The following MNDA variants were observed in gnomAD, a reference collection of about 807,000 sequenced individuals.
MNDA encodes the protein epididymis secretory sperm binding protein.
MNDA carries 43 observed loss-of-function variants against 37.8 expected under a neutral mutation model. The ratio of observed to expected loss-of-function variants is 1.14; its 90% CI spans 0.89 to 1.47. The LOEUF is 1.47. MNDA is among the 40% of genes most tolerant of loss of function. The pLI is 0.00. For missense variants in MNDA, 536 were observed against 476.0 expected (o/e 1.13, Z -1.17); for synonymous variants, 181 against 169.0 (o/e 1.07, Z -0.55).
chr1:158,843,056 G>A (rs959843363), intron 2 of MNDA, among the ~76,000 whole-genome samples: 1 of 152,160 alleles, frequency 6.6e-6, no homozygotes, highest in African/African-American at 2.4e-5. Flanking sequence ...CACTGCAAAG[G>A]GGAGGAGTGA....
rs1384181387 is a variant in MNDA, at chr1:158,843,266, T to C, written c.266-13T>C. On this transcript the variant is annotated splice_polypyrimidine_tract_variant and intron_variant, in intron 2 of 6. Coordinates refer to ENST00000368141, the MANE Select transcript of MNDA (RefSeq NM_002432.3). ...TCTAGGCCTATTGTGCCCTTTTTCT[T>C]TTCTTTTGTCAGTTGCTAAGAAAAT... The C allele has an allele frequency of 1.2e-6, 2 of 1,602,308 alleles. No homozygotes were observed.
intron 1 of MNDA, among the ~76,000 whole-genome samples, chr1:158,839,419 A>G (rs1362562161): frequency 6.6e-6 from 1 of 152,132 alleles, no homozygotes; most frequent in East Asian, 1.9e-4. Flanking sequence ...TCCTCTATCC[A>G]TAATCTCTTG....
Position 158,844,057 on chromosome 1 carries a change from G to C in MNDA, c.505G>C (p.Ala169Pro). Residue 169 changes from alanine (A) to proline (P), a missense_variant, in exon 4 of 7, where the codon GCT (alanine) becomes CCT (proline). Physicochemically the swap from Ala to Pro is conservative, Grantham distance 27. Transcript: ENST00000368141. ...TCCCTCAGGAGCCAGCACATCTGCA[G>C]CTGTGGATCATCCCCCACTACCCCA... Reference protein sequence around the residue: ...PGPSGASTSAAVDHPPLPQTS... With the variant: ...PGPSGASTSAPVDHPPLPQTS... 1 of 1,613,812 alleles carries C rather than the reference G, an allele frequency of 6.2e-7. No homozygotes were observed. Among genetic ancestry groups the C allele is most frequent in the Non-Finnish European group, 8.5e-7 (1 of 1,179,900 alleles).
At chr1:158,848,710 A>G (rs529381622) in intron 6 of MNDA, among the ~76,000 whole-genome samples, 2 of 152,280 alleles carry the variant, frequency 1.3e-5, no homozygotes, top group South Asian at 2.1e-4. Context: ...ATGGAGTTGC[A>G]TTACAGAGCA....
intron 1 of MNDA, among the ~76,000 whole-genome samples, chr1:158,839,813 T>G (rs1380091005): frequency 3.3e-5 from 5 of 152,198 alleles, no homozygotes; most frequent in Non-Finnish European, 7.4e-5. Context: ...CTGAAAACAT[T>G]AGTTTGGTTC....
chr1:158,845,868 A>T lies in MNDA; in HGVS notation c.852A>T (p.Ser284=), dbSNP rs371688705. ...GAGTAATGGAAATAAAGGAAGCATC[A>T]TCTGTGTCTGACTTTAATCAAAATT... The part of the protein sequence containing the change: ...CKGVMEIKEA[S]SVSDFNQNFE... Residue 284 remains serine, a synonymous_variant, in exon 5 of 7, where the codon TCA becomes TCT. Coordinates refer to ENST00000368141, the MANE Select transcript of MNDA (RefSeq NM_002432.3). 118 of 1,614,094 alleles carry T rather than the reference A, an allele frequency of 7.3e-5. No homozygotes were observed. Among genetic ancestry groups the T allele is most frequent in the South Asian group, 1.2e-4 (11 of 91,090 alleles).
chr1:158,847,756 A>G lies in MNDA; in HGVS notation c.1016A>G (p.Tyr339Cys), dbSNP rs757498729. 3.1e-6 allele frequency: 5 copies of G among 1,613,040 alleles called. No homozygotes were observed. The South Asian group carries it at 5.5e-5, about 18-fold the overall frequency. Residue 339 changes from tyrosine to cysteine, a missense_variant, in exon 6 of 7, where the codon TAT (tyrosine) becomes TGT (cysteine). Transcript: ENST00000368141. ...AGCGTACACAAGAAGAACACAATTT[A>G]TGAAATACAGGATAATACAGGATCC... is the stretch of plus-strand genomic sequence containing the variant. ...KKSVHKKNTI[Y>C]EIQDNTGSMD... is the part of the protein sequence containing the mutation.
chr1:158,844,043 C>G lies in MNDA; in HGVS notation c.491C>G (p.Ala164Gly), dbSNP rs979294246. The G allele has an allele frequency of 6.2e-7, 1 of 1,613,820 alleles. No individual in the cohort carries two copies. The highest frequency in any genetic ancestry group is 8.5e-7 in the Non-Finnish European group (1 of 1,179,856). ...EQSKPPGPSG[A>G]STSAAVDHPP... ...AGTAAGCCCCCAGGTCCCTCAGGAG[C>G]CAGCACATCTGCAGCTGTGGATCAT... Residue 164 changes from alanine (A) to glycine (G), a missense_variant, in exon 4 of 7, where the codon GCC becomes GGC. By Grantham distance (60) the Ala-to-Gly change is moderately conservative. Transcript: ENST00000368141.
At chr1:158,835,258 G>A (rs1044780471) in intron 1 of MNDA, among the ~76,000 whole-genome samples, 1 of 152,158 alleles carries the variant, frequency 6.6e-6, no homozygotes, top group Non-Finnish European at 1.5e-5. Flanking sequence ...CCTGGACACA[G>A]ATGCCTTCCC....
chr1:158,838,149 T>C (rs1658959649), intron 1 of MNDA, among the ~76,000 whole-genome samples: 1 of 152,036 alleles, frequency 6.6e-6, no homozygotes, highest in African/African-American at 2.4e-5. Flanking sequence ...TCATGTTTCA[T>C]GTTTATGTAT....
Position 158,845,749 on chromosome 1 carries a change from C to T in MNDA, c.733C>T (p.Gln245Ter). 6.2e-7 allele frequency: 1 copy of T among 1,614,060 alleles called. No homozygotes were observed. The highest frequency in any genetic ancestry group is 8.5e-7 in the Non-Finnish European group (1 of 1,180,010). ...TCATGCTACAGTGGCCAGTAAGACT[C>T]AATATTTCCATGTGAAAGTCTTCGA... is the stretch of plus-strand genomic sequence containing the variant. Reference protein sequence around the residue: ...MFHATVASKTQYFHVKVFDIN... With the variant: ...MFHATVASKT Residue 245 changes from glutamine (Q) to a stop codon, truncating the protein, a stop_gained, in exon 5 of 7, where the codon CAA (glutamine) becomes TAA (stop). Coordinates refer to ENST00000368141, the MANE Select transcript of MNDA (RefSeq NM_002432.3). LOFTEE classifies it high-confidence loss of function.
intron 2 of MNDA, 157 bp downstream of exon 2, chr1:158,842,575 T>G (rs890564672): frequency 1.5e-4 from 101 of 661,712 alleles, no homozygotes; most frequent in Non-Finnish European, 2.5e-4. Flanking sequence ...GTTGGCAATT[T>G]AGAACATTCT....
chr1:158,847,539 C>T (rs972301139), intron 5 of MNDA, among the ~76,000 whole-genome samples, 189 bp from the exon 6 acceptor site: 1 of 151,770 alleles, frequency 6.6e-6, no homozygotes, highest in African/African-American at 2.4e-5. Context: ...AAGAAAAATA[C>T]CTTAAGCAGG....
chr1:158,833,181 ATCTT>A (rs1332112612), intron 1 of MNDA, among the ~76,000 whole-genome samples: 2 of 152,106 alleles, frequency 1.3e-5, no homozygotes, highest in Non-Finnish European at 2.9e-5. Flanking sequence ...TATTTGCTTG[ATCTT>A]TCTTCCCTTT....
chr1:158,842,197 A>G lies in MNDA; in HGVS notation c.44A>G (p.Glu15Gly). The G allele has an allele frequency of 6.2e-7, 1 of 1,613,732 alleles. No individual in the cohort carries two copies. The highest frequency in any genetic ancestry group is 1.3e-5 in the African/African-American group (1 of 75,036). Residue 15 changes from glutamate to glycine, a missense_variant, in exon 2 of 7, where the codon GAG becomes GGG. Coordinates refer to ENST00000368141, the MANE Select transcript of MNDA (RefSeq NM_002432.3). ...YKKILLLKGF[E>G]LMDDYHFTSI... ...AAAATTCTTTTGCTGAAAGGATTTG[A>G]GCTCATGGATGATTATCATTTTACA...
rs1210650212 is a variant in MNDA at position 158,849,501 on chromosome 1, G to A, written c.*264G>A. ...AAAAATAAAATATCTTTTTTTGAAG[G>A]ACATTATTTTCCCAAAGTCTTGTCT... On this transcript the variant is annotated 3_prime_UTR_variant, in exon 7 of 7. Transcript: ENST00000368141. 2.6e-6 allele frequency: 1 copy of A among 391,000 alleles called. No homozygotes were observed. Among genetic ancestry groups the A allele is most frequent in the Non-Finnish European group, 4.7e-6 (1 of 213,968 alleles). The allele number at this position is 391,000 out of a possible 1,614,324, so 24.2% of individuals were successfully genotyped here.
chr1:158,845,831 C>A lies in MNDA; in HGVS notation c.815C>A (p.Ser272Tyr). 6.2e-7 allele frequency: 1 copy of A among 1,614,084 alleles called. No homozygotes were observed. Among genetic ancestry groups the A allele is most frequent in the Non-Finnish European group, 8.5e-7 (1 of 1,180,010 alleles). The part of the protein sequence containing the change: ...RKKVITISDY[S>Y]ECKGVMEIKE... ...AAGGTCATTACCATATCTGATTACT[C>A]TGAATGTAAAGGAGTAATGGAAATA... The change falls in exon 5 of 7, where the codon TCT (serine) becomes TAT (tyrosine). Residue 272 changes from serine (S) to tyrosine (Y), a missense_variant. Coordinates refer to ENST00000368141, the MANE Select transcript of MNDA (RefSeq NM_002432.3).
intron 5 of MNDA, among the ~76,000 whole-genome samples, chr1:158,846,825 C>G (rs961360226): frequency 1.3e-5 from 2 of 152,164 alleles, no homozygotes; most frequent in South Asian, 4.1e-4. Context: ...AATTTACCTC[C>G]ACATTTTCTC....
chr1:158,838,482 T>C (rs1461787756), intron 1 of MNDA, among the ~76,000 whole-genome samples: 1 of 152,062 alleles, frequency 6.6e-6, no homozygotes, highest in Non-Finnish European at 1.5e-5. Flanking sequence ...ATATAATGAG[T>C]TGCCTTTTTC....
Sources: allele counts gnomAD v4.1 joint callset (sites outside exome capture counted in the v4.1 genomes callset), GRCh38; gene constraint gnomAD v4.1.1; transcripts MANE v1.5; gene names NCBI Gene and HGNC (gene_info 2026-07-23, HGNC 2026-07-21).